Variants in TSPAN9 observed in about 807,000 individuals in gnomAD.
TSPAN9 encodes tetraspanin-9.
In TSPAN9, 16 loss-of-function variants were observed where a neutral mutation model predicts 31.0. The observed-to-expected ratio is 0.52, with a 90% CI of 0.35 to 0.78. The LOEUF is 0.78. Ranked by LOEUF, TSPAN9 falls within the 30% of genes least tolerant of loss-of-function variation. The pLI, the probability that TSPAN9 is intolerant of heterozygous loss-of-function variation, is 0.01. For missense variants in TSPAN9, 272 were observed against 312.5 expected (o/e 0.87, Z 0.98); for synonymous variants, 145 against 121.6 (o/e 1.19, Z -1.27).
intron 3 of TSPAN9, among the ~76,000 whole-genome samples, chr12:3,242,752 C>T (rs1000485822): frequency 6.6e-6 from 1 of 152,224 alleles, no homozygotes; most frequent in East Asian, 1.9e-4. Flanking sequence ...TATTGTGGAG[C>T]CTTGGACGCA....
At chr12:3,146,628 A>G (rs576612089) in intron 2 of TSPAN9, among the ~76,000 whole-genome samples, 2 of 152,192 alleles carry the variant, frequency 1.3e-5, no homozygotes, top group African/African-American at 4.8e-5. Flanking sequence ...TTCCTCCTTG[A>G]TCTTACTTTT....
chr12:3,213,836 G>T (rs1221500472), intron 3 of TSPAN9, among the ~76,000 whole-genome samples: 1 of 152,212 alleles, frequency 6.6e-6, no homozygotes, highest in Non-Finnish European at 1.5e-5. Flanking sequence ...CACAACTTGG[G>T]GCAGGGAGGG....
chr12:3,156,348 C>A (rs185411197), intron 2 of TSPAN9, among the ~76,000 whole-genome samples: 1 of 152,258 alleles, frequency 6.6e-6, no homozygotes, highest in African/African-American at 2.4e-5. Flanking sequence ...CATGTAGCCC[C>A]CTCCAGGACT....
chr12:3,109,299 T>TGTGTGTGTGTGTGTGAGAGA (rs1274383200), intron 2 of TSPAN9, among the ~76,000 whole-genome samples: 3 of 118,298 alleles, frequency 2.5e-5, no homozygotes, highest in African/African-American at 1.4e-4. Context: ...TGTGTGTGTG[T>TGTGTGTGTGTGTGTGAGAGA]GAGAGAGAGT....
intron 2 of TSPAN9, among the ~76,000 whole-genome samples, chr12:3,194,116 C>A (rs7969602): frequency 6.6e-6 from 1 of 152,034 alleles, no homozygotes; most frequent in Non-Finnish European, 1.5e-5. Flanking sequence ...TCTGCCTTTC[C>A]CCTCCGTCCT....
intron 2 of TSPAN9, among the ~76,000 whole-genome samples, chr12:3,087,120 C>G (rs942474143): frequency 6.6e-5 from 10 of 152,198 alleles, no homozygotes; most frequent in African/African-American, 2.4e-4. Flanking sequence ...TGACTATGTG[C>G]ACACTTGCCT....
rs576941285 is a variant in TSPAN9 at position 3,281,131 on chromosome 12, G to A, written c.433-67G>A. 6.2e-5 allele frequency: 95 copies of A among 1,543,100 alleles called. No individual in the cohort carries two copies. In the South Asian group the frequency reaches 1.1e-3, roughly 18 times the overall value. On this transcript the variant is annotated intron_variant, in intron 6 of 8. Transcript: ENST00000011898. ...GGGACTGGGGTTGGCCTGGGCAGGGGAAGGCCCTGGGGAGGAAGGGGCGGG... is the reference window on the plus strand; with the variant it reads ...GGGACTGGGGTTGGCCTGGGCAGGGAAAGGCCCTGGGGAGGAAGGGGCGGG...
At chr12:3,260,552 A>C (rs1862429521) in intron 3 of TSPAN9, among the ~76,000 whole-genome samples, 1 of 152,250 alleles carries the variant, frequency 6.6e-6, no homozygotes, top group Admixed American at 6.5e-5. Context: ...AGTTCAGCTC[A>C]GAAAATATCT....
chr12:3,278,949 C>CT, intron 4 of TSPAN9, 43 bp from the exon 5 acceptor site: 1 of 1,600,750 alleles, frequency 6.2e-7, no homozygotes. Flanking sequence ...GTCCTCAGCC[C>CT]TGCCCATTAC....
At chr12:3,146,478 C>G (rs1315586707) in intron 2 of TSPAN9, among the ~76,000 whole-genome samples, 1 of 152,240 alleles carries the variant, frequency 6.6e-6, no homozygotes, top group Non-Finnish European at 1.5e-5. Context: ...GTGCAGGGAA[C>G]ACAGCTGTGC....
chr12:3,261,608 C>T lies in TSPAN9; in HGVS notation c.64-16813C>T, dbSNP rs561971064. Among the ~76,000 whole-genome samples, 6 of 152,312 alleles carry T rather than the reference C, an allele frequency of 3.9e-5. No homozygotes were observed. The East Asian group carries it at 5.8e-4, about 15-fold the overall frequency. On this transcript the variant is annotated intron_variant, in intron 3 of 8. Coordinates refer to ENST00000011898, the MANE Select transcript of TSPAN9 (RefSeq NM_006675.5). ...ACACTTTGCCTCCGAAGATGTGACT[C>T]GGGGCATGCATGACACACAGGAAGT...
intron 2 of TSPAN9, among the ~76,000 whole-genome samples, chr12:3,136,001 C>T (rs2098331949): frequency 6.6e-6 from 1 of 152,130 alleles, no homozygotes; most frequent in Non-Finnish European, 1.5e-5. Context: ...ACCCAGTGTC[C>T]CCGAGGAAAG....
intron 2 of TSPAN9, among the ~76,000 whole-genome samples, chr12:3,108,004 A>G (rs1412728938): frequency 1.3e-5 from 2 of 152,142 alleles, no homozygotes; most frequent in African/African-American, 4.8e-5. Context: ...ACATTTCTGG[A>G]TACTCCTTGT....
rs562019922 is a variant in TSPAN9 at position 3,185,975 on chromosome 12, A to G, written c.-17-15202A>G. Among the ~76,000 whole-genome samples, 243 of 150,262 alleles carry G rather than the reference A, an allele frequency of 1.6e-3. 1 individual carries two copies. The highest frequency in any genetic ancestry group is 6.3e-4 in the Non-Finnish European group (43 of 67,994). ...CAGACTTGGTGTTCTGTTTGGCCTT[A>G]GCTCCGGCCCTCGGTACTGCCCAGG... On this transcript the variant is annotated intron_variant, in intron 2 of 8. Transcript: ENST00000011898.
chr12:3,161,317 A>T (rs1173736204), intron 2 of TSPAN9, among the ~76,000 whole-genome samples: 1 of 152,244 alleles, frequency 6.6e-6, no homozygotes, highest in Non-Finnish European at 1.5e-5. Flanking sequence ...TAATTGCCAA[A>T]CCCAAGGTCA....
chr12:3,220,812 A>G (rs1405216806), intron 3 of TSPAN9, among the ~76,000 whole-genome samples: 1 of 149,880 alleles, frequency 6.7e-6, no homozygotes, highest in Admixed American at 6.6e-5. Context: ...GGGCCCAAGG[A>G]GGGCTGTCAT....
chr12:3,213,299 C>T (rs527581806), intron 3 of TSPAN9, among the ~76,000 whole-genome samples: 19 of 152,208 alleles, frequency 1.2e-4, no homozygotes, highest in South Asian at 2.1e-4. Flanking sequence ...ACAGTGAGGG[C>T]GGGTGTGTTC....
intron 2 of TSPAN9, among the ~76,000 whole-genome samples, chr12:3,091,201 A>C (rs1387743204): frequency 6.6e-6 from 1 of 152,152 alleles, no homozygotes; most frequent in Non-Finnish European, 1.5e-5. Flanking sequence ...TTATTCATTC[A>C]TTTGCCAACC....
At chr12:3,186,045 G>A (rs556190734) in intron 2 of TSPAN9, among the ~76,000 whole-genome samples, 49 of 152,150 alleles carry the variant, frequency 3.2e-4, no homozygotes, top group South Asian at 1.2e-3. Context: ...AAGTGCGAAG[G>A]TGGGATGGAG....
Sources: gnomAD v4.1 joint callset for allele counts (sites outside exome capture counted in the v4.1 genomes callset) on GRCh38, gnomAD v4.1.1 for gene constraint, MANE v1.5 for transcripts, NCBI Gene and HGNC (gene_info 2026-07-23, HGNC 2026-07-21) for gene names.